Variants in KCTD15 observed in about 807,000 individuals in gnomAD.
KCTD15 encodes BTB/POZ domain-containing protein KCTD15.
In KCTD15, 11 loss-of-function variants were observed where a neutral mutation model predicts 27.2. That is an observed-to-expected ratio of 0.41 (90% CI 0.25 to 0.67). KCTD15 has a LOEUF of 0.67. Ranked by LOEUF, KCTD15 falls within the 30% of genes least tolerant of loss-of-function variation. KCTD15 has a pLI of 0.35. For missense variants in KCTD15, 350 were observed against 409.3 expected (o/e 0.86, Z 1.25); for synonymous variants, 163 against 176.0 (o/e 0.93, Z 0.58).
chr19:33,809,029 C>A (rs1490457645), intron 5 of KCTD15, among the ~76,000 whole-genome samples: 1 of 151,810 alleles, frequency 6.6e-6, no homozygotes, highest in Non-Finnish European at 1.5e-5. Context: ...GTAATTCTAG[C>A]GCTTTGGGAG....
At chr19:33,808,033 T>G (rs749234623) in intron 5 of KCTD15, among the ~76,000 whole-genome samples, 13 of 152,186 alleles carry the variant, frequency 8.5e-5, no homozygotes, top group Middle Eastern at 3.2e-3. Flanking sequence ...AACAAAAGGT[T>G]AACCCCCAGG....
upstream of KCTD15, among the ~76,000 whole-genome samples, chr19:33,794,640 GGGAGGAC>G (rs1181142233): frequency 6.6e-6 from 1 of 152,178 alleles, no homozygotes; most frequent in East Asian, 1.9e-4. Flanking sequence ...CCTGGGGCGG[GGGAGGAC>G]GTTTCTGTCC....
rs768697754 is a variant in KCTD15, at chr19:33,800,464, C to T, written c.10C>T (p.Arg4Cys). The T allele has an allele frequency of 1.6e-5, 25 of 1,605,018 alleles. No individual in the cohort carries two copies. In the Admixed American group the frequency reaches 2.2e-4, roughly 14 times the overall value. MPH[R>C]KERPSGSSLH... ...AGGGATGGAAGCCTAGATGCCTCACCGCAAGGAGCGGCCGAGCGGGTCCTC... is the reference window on the plus strand; with the variant it reads ...AGGGATGGAAGCCTAGATGCCTCACTGCAAGGAGCGGCCGAGCGGGTCCTC... The change falls in exon 3 of 7, where the codon CGC becomes TGC. Residue 4 changes from arginine (R) to cysteine (C), a missense_variant. Arg to Cys is a radical substitution (Grantham distance 180, BLOSUM62 -3). Around this residue, in one of 3 missense-constraint regions of KCTD15, gnomAD observed 77 missense variants for 72.7 expected, o/e 1.06. Coordinates refer to ENST00000683859, the MANE Select transcript of KCTD15 (RefSeq NM_001129994.2).
rs1262903582 is a variant in KCTD15 at position 33,811,304 on chromosome 19, G to C, written c.445G>C (p.Glu149Gln). The C allele has an allele frequency of 6.5e-7, 1 of 1,548,614 alleles. No individual in the cohort carries two copies. The highest frequency in any genetic ancestry group is 8.7e-7 in the Non-Finnish European group (1 of 1,146,272). Residue 149 changes from glutamate (E) to glutamine (Q), a missense_variant, in exon 6 of 7, where the codon GAG becomes CAG. Around this residue, in one of 3 missense-constraint regions of KCTD15, gnomAD observed 219 missense variants for 234.9 expected, o/e 0.93. Transcript: ENST00000683859. Reference protein sequence around the residue: ...RYYQLQPMVRELERWQQEQEQ... With the variant: ...RYYQLQPMVRQLERWQQEQEQ... Reference sequence around the variant, plus strand: ...CTATCAGCTCCAGCCCATGGTGCGCGAGCTGGAGCGCTGGCAGCAGGAGCA... The same window carrying C: ...CTATCAGCTCCAGCCCATGGTGCGCCAGCTGGAGCGCTGGCAGCAGGAGCA...
At chr19:33,800,562 T>A (rs368545911) in intron 3 of KCTD15, 42 bp downstream of exon 3, 9 of 1,527,996 alleles carry the variant, frequency 5.9e-6, no homozygotes, top group Non-Finnish European at 8.0e-6. Flanking sequence ...GGGAGTTCCC[T>A]CTTTCCCTTC....
rs1462595249 is a variant in KCTD15 at position 33,811,249 on chromosome 19, C to T, written c.390C>T (p.Asp130=). 2.7e-6 allele frequency: 4 copies of T among 1,505,058 alleles called. No homozygotes were observed. Among genetic ancestry groups the T allele is most frequent in the Non-Finnish European group, 3.6e-6 (4 of 1,126,096 alleles). 93.2% of individuals were successfully genotyped at this position (1,505,058 alleles called of 1,614,324 possible). A position where few individuals can be genotyped will look rare whatever the true frequency, so the allele number is the denominator to read the frequency against. The change falls in exon 6 of 7, where the codon GAC becomes GAT. Residue 130 remains aspartate (D), a splice_region_variant and synonymous_variant. Transcript: ENST00000683859. ...ACACCCTGTGCGCCTGTCCCCAGGA[C>T]TTCAGTCTGCTGTACGAGGAGGCGC... The part of the protein sequence containing the change: ...SKLLLPDDFK[D]FSLLYEEARY...
chr19:33,800,077 C>A (rs1433173577), intron 2 of KCTD15, among the ~76,000 whole-genome samples: 1 of 152,148 alleles, frequency 6.6e-6, no homozygotes, highest in Admixed American at 6.5e-5. Flanking sequence ...AAGGAAAATA[C>A]CAGGAAAATC....
upstream of KCTD15, among the ~76,000 whole-genome samples, chr19:33,795,655 G>A (rs1471184740): frequency 2.0e-5 from 3 of 152,104 alleles, no homozygotes; most frequent in Non-Finnish European, 4.4e-5. Context: ...AGGAGGAGGA[G>A]GCACGGGCGG....
chr19:33,795,069 C>CA (rs889169427), upstream of KCTD15, among the ~76,000 whole-genome samples: 9 of 152,180 alleles, frequency 5.9e-5, no homozygotes, highest in Non-Finnish European at 1.0e-4. Flanking sequence ...AGGAGCAGCT[C>CA]AAAATCCATA....
intron 3 of KCTD15, 79 bp downstream of exon 3, chr19:33,800,599 C>G: frequency 1.5e-6 from 2 of 1,316,188 alleles, no homozygotes; most frequent in Non-Finnish European, 2.1e-6. Flanking sequence ...TACTGGCTGT[C>G]CTTCCTTGGG....
chr19:33,797,151 A>G (rs1975344499), intron 1 of KCTD15, among the ~76,000 whole-genome samples, 164 bp downstream of exon 1: 1 of 151,762 alleles, frequency 6.6e-6, no homozygotes, highest in Non-Finnish European at 1.5e-5. Flanking sequence ...TGCCCAGCAC[A>G]AAGGCCTGGT....
At position 33,812,886 on chromosome 19, in the gene KCTD15, G is replaced by A. The variant is rs1417163799; in HGVS notation, c.790G>A (p.Glu264Lys). The change falls in exon 7 of 7, where the codon GAG becomes AAG. Residue 264 changes from glutamate to lysine, a missense_variant. Transcript: ENST00000683859. ...GTTCAGCGAGTATGTGCTTTGCCGG[G>A]AGGAGCGGCGGCCGCAGCCCACCCC... ...SQFSEYVLCR[E>K]ERRPQPTPTA... 5 of 1,550,276 alleles carry A rather than the reference G, an allele frequency of 3.2e-6. No homozygotes were observed. The highest frequency in any genetic ancestry group is 4.4e-6 in the Non-Finnish European group (5 of 1,146,582).
At position 33,813,015 on chromosome 19, in the gene KCTD15, T is replaced by G; in HGVS notation, c.*67T>G. 6.8e-7 allele frequency: 1 copy of G among 1,465,496 alleles called. No individual in the cohort carries two copies. The highest frequency in any genetic ancestry group is 9.2e-7 in the Non-Finnish European group (1 of 1,084,808). The allele number at this position is 1,465,496 out of a possible 1,614,324, so 90.8% of individuals were successfully genotyped here. A position where few individuals can be genotyped will look rare whatever the true frequency, so the allele number is the denominator to read the frequency against. On this transcript the variant is annotated 3_prime_UTR_variant, in exon 7 of 7. Coordinates refer to ENST00000683859, the MANE Select transcript of KCTD15 (RefSeq NM_001129994.2). ...AAACAGTGCTGGGGAGTTCTGCCTG[T>G]GTATACTTGGCCGTGGGCATGAGAC...
chr19:33,796,381 G>A (rs925215035), upstream of KCTD15: 3 of 149,946 alleles, frequency 2.0e-5, no homozygotes, highest in Non-Finnish European at 4.5e-5. Context: ...AGAGGCGGGT[G>A]GGGATCGCCC....
intron 4 of KCTD15, among the ~76,000 whole-genome samples, chr19:33,802,248 G>T (rs1975582289): frequency 6.6e-6 from 1 of 152,214 alleles, no homozygotes; most frequent in Non-Finnish European, 1.5e-5. Context: ...GGCTGCTGAA[G>T]GCTGAGCGTG....
At chr19:33,805,197 C>A (rs1975674828) in intron 4 of KCTD15, among the ~76,000 whole-genome samples, 2 of 152,180 alleles carry the variant, frequency 1.3e-5, no homozygotes, top group African/African-American at 4.8e-5. Flanking sequence ...GCTGGGATTA[C>A]AGGTGTGAGC....
Position 33,809,138 on chromosome 19 carries a change from G to A in KCTD15, c.388-2109G>A, listed in dbSNP as rs555698361. On this transcript the variant is annotated intron_variant, in intron 5 of 6. Coordinates refer to ENST00000683859, the MANE Select transcript of KCTD15 (RefSeq NM_001129994.2). ...TTAAAAATACAAAAATGAGCCGGGC[G>A]TGGTGGTGTGCACCTGTAGTCCCAG... Among the ~76,000 whole-genome samples the A allele has an allele frequency of 7.2e-5, 11 of 152,118 alleles. No individual in the cohort carries two copies. The East Asian group carries it at 7.8e-4, about 11-fold the overall frequency.
chr19:33,797,991 G>T (rs1264996532), intron 1 of KCTD15, among the ~76,000 whole-genome samples: 1 of 152,006 alleles, frequency 6.6e-6, no homozygotes, highest in Non-Finnish European at 1.5e-5. Flanking sequence ...TTCGGGTGCC[G>T]CGGCCACCCC....
chr19:33,797,477 GCC>G (rs1975376021), intron 1 of KCTD15: 3 of 428,334 alleles, frequency 7.0e-6, no homozygotes, highest in Non-Finnish European at 1.4e-5. Flanking sequence ...GTCCTCTGAC[GCC>G]CACCCCACGA....
Sources: allele counts gnomAD v4.1 joint callset (sites outside exome capture counted in the v4.1 genomes callset), GRCh38; gene constraint gnomAD v4.1.1; regional missense constraint gnomAD v4.1.1; transcripts MANE v1.5; gene names NCBI Gene and HGNC (gene_info 2026-07-23, HGNC 2026-07-21).